The following ASIC2 variants were observed in gnomAD, a reference collection of about 807,000 sequenced individuals.
ASIC2 encodes the protein acid sensing ion channel subunit 2.
Under a neutral mutation model 57.3 loss-of-function variants are expected in ASIC2, and 25 were observed. The ratio of observed to expected loss-of-function variants is 0.44; its 90% confidence interval spans 0.32 to 0.61. The LOEUF is 0.61. Ranked by LOEUF, ASIC2 falls within the 20% of genes least tolerant of loss-of-function variation. The probability of loss-of-function intolerance (pLI) is 0.06; values close to 1 mark genes in which losing one functional copy is unlikely to be tolerated. For missense variants in ASIC2, 641 were observed against 738.1 expected, an observed-to-expected ratio of 0.87 and a Z score of 1.52; for synonymous variants, 319 against 307.5, an observed-to-expected ratio of 1.04 and a Z score of -0.39.
chr17:33,296,540 TAGGAAA>T (rs1239553274), upstream of ASIC2, among the ~76,000 whole-genome samples: 2 of 152,192 alleles, frequency 1.3e-5, no homozygotes, highest in Non-Finnish European at 2.9e-5. Context: ...CATAAGTTTT[TAGGAAA>T]ATTTCCCTTG....
intron 1 of ASIC2, among the ~76,000 whole-genome samples, chr17:33,324,545 T>A (rs1318523223): frequency 2.0e-5 from 3 of 152,120 alleles, no homozygotes; most frequent in Admixed American, 1.3e-4. Context: ...GGCAAGGGAT[T>A]CCCTAACCTA....
rs139670844 is a variant in ASIC2, at chr17:33,165,133, C to T, written c.709-53066G>A. On this transcript the variant is annotated intron_variant, in intron 1 of 9. Transcript: ENST00000225823. ...CCCCACATGGCCCTGGGATCCTATT[C>T]TGGACCCCGAGTTTCTGGATGGGCA... Among the ~76,000 whole-genome samples, 1,029 of 152,314 alleles carry T rather than the reference C, an allele frequency of 6.8e-3. 5 individuals are homozygous for T. Among genetic ancestry groups the T allele is most frequent in the South Asian group, 0.019 (90 of 4,822 alleles).
intron 1 of ASIC2, among the ~76,000 whole-genome samples, chr17:33,813,089 T>A (rs1912472216): frequency 6.6e-6 from 1 of 152,160 alleles, no homozygotes; most frequent in Non-Finnish European, 1.5e-5. Context: ...ACAGAGAGCA[T>A]CATCCATGAG....
intron 1 of ASIC2, among the ~76,000 whole-genome samples, chr17:33,535,617 T>C (rs1029844911): frequency 6.6e-6 from 1 of 152,154 alleles, no homozygotes; most frequent in Non-Finnish European, 1.5e-5. Flanking sequence ...ATGAAGCTGA[T>C]GTGCCTTCTC....
intron 1 of ASIC2, among the ~76,000 whole-genome samples, chr17:33,997,875 A>T (rs1285328467): frequency 2.0e-5 from 3 of 152,140 alleles, no homozygotes; most frequent in African/African-American, 7.2e-5. Context: ...TATCTGGGTA[A>T]TGCTGACCTC....
chr17:33,952,209 T>G (rs1460104705), intron 1 of ASIC2, among the ~76,000 whole-genome samples: 1 of 152,044 alleles, frequency 6.6e-6, no homozygotes, highest in Non-Finnish European at 1.5e-5. Flanking sequence ...TGAATACTGG[T>G]GCTCATTCTA....
chr17:33,723,328 A>G (rs1909443967), intron 1 of ASIC2, among the ~76,000 whole-genome samples: 1 of 152,080 alleles, frequency 6.6e-6, no homozygotes, highest in African/African-American at 2.4e-5. Flanking sequence ...TTAAAATATT[A>G]TATTATATTT....
chr17:33,124,498 T>C (rs915110006), intron 1 of ASIC2, among the ~76,000 whole-genome samples: 2 of 152,228 alleles, frequency 1.3e-5, no homozygotes, highest in Non-Finnish European at 2.9e-5. Context: ...ATGGGTCCTT[T>C]GGAGTTGGCA....
intron 1 of ASIC2, among the ~76,000 whole-genome samples, chr17:33,549,024 G>C (rs758460221): frequency 1.3e-5 from 2 of 151,988 alleles, no homozygotes; most frequent in African/African-American, 2.4e-5. Flanking sequence ...TTGTTCACTT[G>C]TTTTGTCTGT....
intron 2 of ASIC2, among the ~76,000 whole-genome samples, chr17:33,107,139 A>G (rs1196076263): frequency 1.3e-5 from 2 of 152,194 alleles, no homozygotes; most frequent in South Asian, 2.1e-4. Flanking sequence ...ACTTAGAGGT[A>G]TCTACACAGA....
At chr17:33,563,297 C>T (rs1349210471) in intron 1 of ASIC2, among the ~76,000 whole-genome samples, 2 of 152,204 alleles carry the variant, frequency 1.3e-5, no homozygotes, top group East Asian at 3.8e-4. Flanking sequence ...CCAATCTGCT[C>T]AGCAGCCTAA....
At chr17:33,851,960 A>G (rs1345602988) in intron 1 of ASIC2, among the ~76,000 whole-genome samples, 1 of 152,244 alleles carries the variant, frequency 6.6e-6, no homozygotes, top group Non-Finnish European at 1.5e-5. Flanking sequence ...GAGTGCCTGC[A>G]ACCCCCAAGG....
intron 1 of ASIC2, among the ~76,000 whole-genome samples, chr17:33,268,133 G>A (rs540908077): frequency 1.6e-4 from 24 of 152,146 alleles, no homozygotes; most frequent in Non-Finnish European, 1.0e-4. Context: ...ACCTGACAGA[G>A]GAGTGATTAT....
chr17:33,120,565 C>G (rs8064775), intron 1 of ASIC2, among the ~76,000 whole-genome samples: 80,336 of 152,142 alleles, frequency 0.53, 21,654 homozygotes, highest in Non-Finnish European at 0.57. Context: ...GCCTCTGCTG[C>G]TGCATCCCTC....
intron 1 of ASIC2, among the ~76,000 whole-genome samples, chr17:33,498,903 C>G (rs1914020852): frequency 6.6e-6 from 1 of 152,072 alleles, no homozygotes; most frequent in Non-Finnish European, 1.5e-5. Flanking sequence ...AGACATTTCC[C>G]AAAGAGAAAA....
At chr17:33,850,768 C>T (rs1473484457) in intron 1 of ASIC2, among the ~76,000 whole-genome samples, 1 of 151,916 alleles carries the variant, frequency 6.6e-6, no homozygotes, top group Non-Finnish European at 1.5e-5. Flanking sequence ...TCCAGATCTG[C>T]CCTGGCCAGA....
chr17:33,962,947 T>C (rs1482744369), intron 1 of ASIC2, among the ~76,000 whole-genome samples: 2 of 152,186 alleles, frequency 1.3e-5, no homozygotes, highest in African/African-American at 4.8e-5. Context: ...TAAGTTCTTT[T>C]CACTTCACTC....
intron 1 of ASIC2, among the ~76,000 whole-genome samples, chr17:33,504,222 G>A (rs976374270): frequency 1.3e-5 from 2 of 152,216 alleles, no homozygotes; most frequent in Admixed American, 6.5e-5. Flanking sequence ...ATACTTGTAT[G>A]GTACTGCCCA....
chr17:33,478,529 C>T (rs1252852399), intron 1 of ASIC2, among the ~76,000 whole-genome samples: 3 of 152,230 alleles, frequency 2.0e-5, no homozygotes, highest in African/African-American at 7.2e-5. Context: ...TGAGAGGTCG[C>T]TTCTCTTATT....
Sources: allele counts gnomAD v4.1 joint callset (sites outside exome capture counted in the v4.1 genomes callset), GRCh38; gene constraint gnomAD v4.1.1; transcripts MANE v1.5; gene names NCBI Gene and HGNC (gene_info 2026-07-23, HGNC 2026-07-21).